The following ULK2 variants were observed in gnomAD, a reference collection of about 807,000 sequenced individuals.
ULK2 encodes unc-51 like autophagy activating kinase 2.
Under a neutral mutation model 127.5 loss-of-function variants are expected in ULK2, and 76 were observed. The observed-to-expected ratio is 0.60, with a 90% CI of 0.50 to 0.72. The LOEUF is 0.72. Among genes scored for constraint, ULK2 ranks in the 30% least tolerant of loss-of-function variants. The pLI is 0.00. For synonymous variants in ULK2, 452 were observed against 461.9 expected (o/e 0.98, Z 0.28); for missense variants, 1,144 against 1,295.9 (o/e 0.88, Z 1.80).
chr17:19,822,733 C>A (rs990005215), intron 12 of ULK2, among the ~76,000 whole-genome samples: 8 of 151,992 alleles, frequency 5.3e-5, no homozygotes, highest in African/African-American at 1.9e-4. Context: ...GTCGCTCAGG[C>A]TGGAGTGCAG....
intron 12 of ULK2, among the ~76,000 whole-genome samples, chr17:19,824,446 C>CAAAAA (rs397943235): frequency 1.0e-4 from 1 of 9,900 alleles, no homozygotes; most frequent in Non-Finnish European, 2.9e-4. Context: ...AACTCCATCT[C>CAAAAA]AAAAAAAAAA....
chr17:19,780,831 A>T (rs940298115), intron 24 of ULK2, among the ~76,000 whole-genome samples, 155 bp downstream of exon 24: 1 of 152,206 alleles, frequency 6.6e-6, no homozygotes, highest in African/African-American at 2.4e-5. Context: ...CTATCAATTG[A>T]ACTGCAAAAA....
chr17:19,850,213 T>C (rs781613212), intron 3 of ULK2, among the ~76,000 whole-genome samples: 1 of 152,204 alleles, frequency 6.6e-6, no homozygotes, highest in African/African-American at 2.4e-5. Context: ...CACAGTCTGA[T>C]TTCTGGAATA....
intron 10 of ULK2, among the ~76,000 whole-genome samples, chr17:19,834,910 GA>G (rs199677501): frequency 1.4e-3 from 173 of 120,876 alleles, no homozygotes; most frequent in East Asian, 2.5e-3. Flanking sequence ...CTCTGTCTCA[GA>G]AAAAAAAAAA....
At chr17:19,784,863 CAG>C (rs1306201423) in intron 21 of ULK2, among the ~76,000 whole-genome samples, 6 of 152,082 alleles carry the variant, frequency 3.9e-5, no homozygotes, top group Non-Finnish European at 8.8e-5. Flanking sequence ...GTATAGTTAA[CAG>C]ATATAAAATG....
intron 10 of ULK2, among the ~76,000 whole-genome samples, chr17:19,827,886 G>C (rs2041335209): frequency 6.6e-6 from 1 of 151,540 alleles, no homozygotes; most frequent in Admixed American, 6.6e-5. Context: ...CTCCAGCCTA[G>C]GCACCAAGGG....
rs761334098 is a variant in ULK2 at position 19,781,956 on chromosome 17, C to T, written c.2572G>A (p.Val858Met). Residue 858 changes from valine to methionine, a missense_variant, in exon 23 of 27, where the codon GTG (valine) becomes ATG (methionine). Val to Met is a conservative substitution (Grantham distance 21). Coordinates refer to ENST00000395544, the MANE Select transcript of ULK2 (RefSeq NM_014683.4). ...GGNPELCTSA[V>M]SLYQIQESVV... is the part of the protein sequence containing the mutation. ...CTCTCCTGGATCTGGTACAAGGACA[C>T]AGCAGATGTGCACAGCTCAGGGTTT... 2 of 1,614,122 alleles carry T rather than the reference C, an allele frequency of 1.2e-6. No individual in the cohort carries two copies. Among genetic ancestry groups the T allele is most frequent in the Non-Finnish European group, 1.7e-6 (2 of 1,180,046 alleles).
At chr17:19,784,053 A>AAAT in intron 21 of ULK2, 148 bp from the exon 22 acceptor site, 2 of 530,590 alleles carry the variant, frequency 3.8e-6, no homozygotes, top group Non-Finnish European at 5.8e-6. Flanking sequence ...CTATTTGAGG[A>AAAT]TATTAATAGT....
intron 1 of ULK2, among the ~76,000 whole-genome samples, chr17:19,866,451 T>C (rs1026469997): frequency 6.6e-6 from 1 of 152,160 alleles, no homozygotes; most frequent in Admixed American, 6.5e-5. Flanking sequence ...GCGGTTGCAG[T>C]GAGCGGAGAT....
chr17:19,862,908 A>G (rs1408497003), intron 3 of ULK2, among the ~76,000 whole-genome samples: 1 of 152,144 alleles, frequency 6.6e-6, no homozygotes, highest in Non-Finnish European at 1.5e-5. Flanking sequence ...GGCACATAAT[A>G]GTCACTCAAA....
chr17:19,789,395 G>A (rs1162678885), intron 20 of ULK2, among the ~76,000 whole-genome samples: 2 of 152,186 alleles, frequency 1.3e-5, no homozygotes, highest in Non-Finnish European at 1.5e-5. Flanking sequence ...CCCAAGTCCC[G>A]TCAAATACCT....
rs907685524 is a variant in ULK2 at position 19,805,766 on chromosome 17, CA to C, written c.1158-937del. On this transcript the variant is annotated intron_variant, in intron 14 of 26. Transcript: ENST00000395544. ...AGCTTCAGCAGATACCTTTGAACCA[CA>C]AAAAAAAAGGCCAAAAGACCTGAAG... Among the ~76,000 whole-genome samples, 8 of 149,164 alleles carry C rather than the reference CA, an allele frequency of 5.4e-5. No individual in the cohort carries two copies. In the South Asian group the frequency reaches 1.1e-3, roughly 20 times the overall value.
chr17:19,846,577 T>C (rs1486951112), intron 6 of ULK2, among the ~76,000 whole-genome samples, 160 bp downstream of exon 6: 1 of 151,584 alleles, frequency 6.6e-6, no homozygotes, highest in Non-Finnish European at 1.5e-5. Context: ...GAGGCGTAGG[T>C]TGCAGTGAGC....
At chr17:19,864,313 C>A (rs946942379) in intron 3 of ULK2, among the ~76,000 whole-genome samples, 5 of 151,986 alleles carry the variant, frequency 3.3e-5, no homozygotes, top group Non-Finnish European at 7.4e-5. Flanking sequence ...ATGAAAAACA[C>A]ACACACACAA....
rs1285679337 is a variant in ULK2 at position 19,865,728 on chromosome 17, TA to T, written c.183+7del. 1 of 1,454,052 alleles carries T rather than the reference TA, an allele frequency of 6.9e-7. No individual in the cohort carries two copies. The allele number at this position is 1,454,052 out of a possible 1,614,324, so 90.1% of individuals were successfully genotyped here. Reference sequence around the variant, plus strand: ...CTTATATGAATACTACTACATAAAGTAACATACCTTTAAGATTTTAATTTCC... The same window carrying T: ...CTTATATGAATACTACTACATAAAGTACATACCTTTAAGATTTTAATTTCC... On this transcript the variant is annotated splice_region_variant and intron_variant, in intron 2 of 26. Transcript: ENST00000395544.
chr17:19,796,035 A>T, intron 19 of ULK2, 60 bp downstream of exon 19: 1 of 1,546,628 alleles, frequency 6.5e-7, no homozygotes, highest in Middle Eastern at 1.7e-4. Flanking sequence ...TTATAACAGA[A>T]ATCTATGTTT....
intron 5 of ULK2, 69 bp from the exon 6 acceptor site, chr17:19,846,979 C>T (rs2041899298): frequency 2.1e-6 from 3 of 1,463,114 alleles, no homozygotes; most frequent in Non-Finnish European, 2.8e-6. Flanking sequence ...ATTCCATCAA[C>T]AGGATTGGGT....
At chr17:19,816,693 G>A in intron 13 of ULK2, 56 bp downstream of exon 13, 1 of 1,428,786 alleles carries the variant, frequency 7.0e-7, no homozygotes, top group Non-Finnish European at 9.2e-7. Flanking sequence ...TTAAAAAAAA[G>A]ATGCTAGTTT....
chr17:19,858,406 G>GA lies in ULK2; in HGVS notation c.225+6396dup, dbSNP rs1243361594. 9.7e-5 allele frequency among the ~76,000 whole-genome samples: 14 copies of GA among 144,454 alleles called. No individual in the cohort carries two copies. In the South Asian group the frequency reaches 1.1e-3, roughly 11 times the overall value. 94.8% of individuals were successfully genotyped at this position (144,454 alleles called of 152,430 possible). On this transcript the variant is annotated intron_variant, in intron 3 of 26. Coordinates refer to ENST00000395544, the MANE Select transcript of ULK2 (RefSeq NM_014683.4). ...GAGAGCCAGACCCTGTCTCAAAAAA[G>GA]AAAAAAAAAAGAAATAGTAACTATT...
Sources: allele counts gnomAD v4.1 joint callset (sites outside exome capture counted in the v4.1 genomes callset), GRCh38; gene constraint gnomAD v4.1.1; transcripts MANE v1.5; gene names NCBI Gene and HGNC (gene_info 2026-07-23, HGNC 2026-07-21).